DNAH5: variants seen among roughly 807,000 people sequenced by gnomAD.
DNAH5 encodes the protein axonemal beta dynein heavy chain 5.
DNAH5 carries 372 observed loss-of-function variants against 518.2 expected under a neutral mutation model. The observed-to-expected ratio is 0.72, with a 90% CI of 0.66 to 0.78. The LOEUF (loss-of-function observed/expected upper bound fraction) is 0.78. Among genes scored for constraint, DNAH5 ranks in the 30% least tolerant of loss-of-function variants. DNAH5 has a pLI of 0.00. For missense variants in DNAH5, 5,523 were observed against 5,687.0 expected (o/e 0.97, Z 0.93); for synonymous variants, 2,039 against 2,025.9 (o/e 1.01, Z -0.17).
chr5:14,000,217 C>T (rs1784253370), intron 1 of DNAH5, among the ~76,000 whole-genome samples: 1 of 152,142 alleles, frequency 6.6e-6, no homozygotes, highest in Admixed American at 6.5e-5. Context: ...CAGAGACAAG[C>T]ACAGAGGAAA....
chr5:13,718,912 G>C lies in DNAH5; in HGVS notation c.12469C>G (p.Leu4157Val). Reference sequence around the variant, plus strand: ...TATGTTCTTTTCAGTCCTGCCCGGAGTCCTTGTGGAGGATCGTTGGCAAAT... The same window carrying C: ...TATGTTCTTTTCAGTCCTGCCCGGACTCCTTGTGGAGGATCGTTGGCAAAT... ...IKFANDPPQGLRAGLKRTYSG... is the reference protein window; with the variant it reads ...IKFANDPPQGVRAGLKRTYSG... Residue 4157 changes from leucine (L) to valine (V), a missense_variant, in exon 72 of 79, where the codon CTC becomes GTC. By Grantham distance (32) the Leu-to-Val change is conservative. This residue lies in a region of DNAH5 where 5,121 missense variants were observed against 5,223.3 expected (regional missense o/e 0.98). Coordinates refer to ENST00000265104, the MANE Select transcript of DNAH5 (RefSeq NM_001369.3). The C allele has an allele frequency of 6.2e-7, 1 of 1,614,002 alleles. No individual in the cohort carries two copies. Among genetic ancestry groups the C allele is most frequent in the Non-Finnish European group, 8.5e-7 (1 of 1,179,890 alleles).
At chr5:13,866,036 A>C in intron 26 of DNAH5, 130 bp from the exon 27 acceptor site, 1 of 873,940 alleles carries the variant, frequency 1.1e-6, no homozygotes, top group South Asian at 1.5e-5. Context: ...TAGGAATACT[A>C]AGTTGGCATA....
chr5:13,771,004 G>T, intron 55 of DNAH5, 24 bp from the exon 56 acceptor site: 1 of 1,545,996 alleles, frequency 6.5e-7, no homozygotes, highest in Non-Finnish European at 8.9e-7. Flanking sequence ...AGATGACAGT[G>T]TGTGAAATAT....
chr5:13,869,994 G>A (rs769015532), intron 24 of DNAH5, among the ~76,000 whole-genome samples: 1 of 151,888 alleles, frequency 6.6e-6, no homozygotes, highest in Non-Finnish European at 1.5e-5. Context: ...ATTACACTAT[G>A]TATGTTGATA....
At chr5:13,934,283 C>T (rs1450412114) in intron 1 of DNAH5, among the ~76,000 whole-genome samples, 3 of 152,158 alleles carry the variant, frequency 2.0e-5, no homozygotes, top group African/African-American at 7.2e-5. Context: ...CTTGGATGTT[C>T]CAACCTAAGT....
At chr5:13,893,445 C>A (rs1773528188) in intron 16 of DNAH5, among the ~76,000 whole-genome samples, 1 of 152,124 alleles carries the variant, frequency 6.6e-6, no homozygotes, top group African/African-American at 2.4e-5. Flanking sequence ...CTCCTACACA[C>A]CCAGCTGAGA....
At chr5:13,794,336 AC>A (rs544217623) in intron 47 of DNAH5, among the ~76,000 whole-genome samples, 90 of 152,346 alleles carry the variant, frequency 5.9e-4, no homozygotes, top group South Asian at 5.2e-3. Flanking sequence ...CTAAAAATTT[AC>A]TTTTGTCTTC....
chr5:13,771,022 A>G, intron 55 of DNAH5, 42 bp from the exon 56 acceptor site: 1 of 1,488,508 alleles, frequency 6.7e-7, no homozygotes, highest in Non-Finnish European at 9.3e-7. Context: ...TATGTATGTA[A>G]GTTACCCTTT....
At chr5:13,721,482 G>T (rs1745056348) in intron 70 of DNAH5, among the ~76,000 whole-genome samples, 1 of 152,146 alleles carries the variant, frequency 6.6e-6, no homozygotes, top group South Asian at 2.1e-4. Flanking sequence ...AACCAAAGTT[G>T]TATGACTCCT....
chr5:13,964,586 GGCTGCAAGTAGCCTT>G (rs1376475584), intron 1 of DNAH5, among the ~76,000 whole-genome samples: 23 of 152,254 alleles, frequency 1.5e-4, no homozygotes, highest in African/African-American at 5.5e-4. Context: ...ACCAAAATTG[GGCTGCAAGTAGCCTT>G]GACCTTAGAT....
chr5:13,777,228 T>C lies in DNAH5; in HGVS notation c.9079A>G (p.Met3027Val). The change falls in exon 54 of 79, where the codon ATG (methionine) becomes GTG (valine). Residue 3027 changes from methionine (M) to valine (V), a missense_variant. Physicochemically the swap from Met to Val is conservative, Grantham distance 21 (BLOSUM62 1). Around this residue, in one of 3 missense-constraint regions of DNAH5, gnomAD observed 5,121 missense variants for 5,223.3 expected, o/e 0.98. Coordinates refer to ENST00000265104, the MANE Select transcript of DNAH5 (RefSeq NM_001369.3). ...TCACCTGATGATAAAACATTGTTCA[T>C]ATATTCCAAAAATGACTCATCTTTA... ...EIKDESFLEYMNNVLSSGEVS... is the reference protein window; with the variant it reads ...EIKDESFLEYVNNVLSSGEVS... 6.2e-7 allele frequency: 1 copy of C among 1,612,982 alleles called. No individual in the cohort carries two copies.
chr5:13,941,661 T>C (rs1479203446), intron 1 of DNAH5, among the ~76,000 whole-genome samples: 1 of 152,204 alleles, frequency 6.6e-6, no homozygotes, highest in East Asian at 1.9e-4. Flanking sequence ...CTGCAGAGCT[T>C]CTCGGCGGGA....
intron 1 of DNAH5, among the ~76,000 whole-genome samples, chr5:13,952,430 C>A (rs1483127905): frequency 6.6e-6 from 1 of 152,102 alleles, no homozygotes; most frequent in Non-Finnish European, 1.5e-5. Context: ...ATGTTTCTAG[C>A]CAGAGAAAGA....
At chr5:13,907,755 C>A (rs577984262) in intron 12 of DNAH5, among the ~76,000 whole-genome samples, 1 of 152,188 alleles carries the variant, frequency 6.6e-6, no homozygotes, top group East Asian at 1.9e-4. Flanking sequence ...TAATTAAAAT[C>A]TAAATTCAGT....
chr5:13,917,316 A>C, intron 7 of DNAH5, 60 bp from the exon 8 acceptor site: 1 of 1,240,932 alleles, frequency 8.1e-7, no homozygotes, highest in Non-Finnish European at 1.2e-6. Context: ...CTTCCAACAC[A>C]ACCACTGCTA....
At chr5:13,852,885 A>C (rs958542508) in intron 30 of DNAH5, among the ~76,000 whole-genome samples, 6 of 152,328 alleles carry the variant, frequency 3.9e-5, no homozygotes, top group African/African-American at 1.4e-4. Flanking sequence ...GCTTATAGAT[A>C]AAACTCTCAT....
In DNAH5 at chr5:13,811,701, C is replaced by T. The variant is rs763042050; in HGVS notation, c.7353G>A (p.Glu2451=). The change falls in exon 44 of 79, where the codon GAG becomes GAA. Residue 2451 remains glutamate, a synonymous_variant. Transcript: ENST00000265104. ...QNLEYKMEVL[E]AFVITQSINM... ...TAATGCTCTGTGTGATGACAAAGGCCTCCAGCACCTCCATCTTGTATTCTA... is the reference window on the plus strand; with the variant it reads ...TAATGCTCTGTGTGATGACAAAGGCTTCCAGCACCTCCATCTTGTATTCTA... The T allele has an allele frequency of 5.0e-6, 8 of 1,614,030 alleles. No individual in the cohort carries two copies. The Admixed American group carries it at 1.3e-4, about 27-fold the overall frequency.
intron 1 of DNAH5, among the ~76,000 whole-genome samples, chr5:13,942,989 T>A (rs900929061): frequency 6.6e-6 from 1 of 152,200 alleles, no homozygotes; most frequent in African/African-American, 2.4e-5. Flanking sequence ...GCAATACTAT[T>A]AAGGTAATTC....
chr5:13,888,015 C>T (rs900540538), intron 17 of DNAH5, among the ~76,000 whole-genome samples: 13 of 152,148 alleles, frequency 8.5e-5, no homozygotes, highest in Admixed American at 7.2e-4. Flanking sequence ...CATCCTTCCT[C>T]GTCATACTCA....
Sources: allele counts gnomAD v4.1 joint callset (sites outside exome capture counted in the v4.1 genomes callset), GRCh38; gene constraint gnomAD v4.1.1; regional missense constraint gnomAD v4.1.1; transcripts MANE v1.5; gene names NCBI Gene and HGNC (gene_info 2026-07-23, HGNC 2026-07-21).